Variants in TG observed in about 807,000 individuals in gnomAD.
TG encodes the protein thyroglobulin.
A neutral mutation model predicts 324.7 loss-of-function variants in TG; 270 were observed. That is an observed-to-expected ratio of 0.83 (90% confidence interval 0.75 to 0.92). TG has a LOEUF of 0.92. TG is among the 40% of genes least tolerant of loss of function. The probability of loss-of-function intolerance (pLI) is 0.00; values close to 1 mark genes in which losing one functional copy is unlikely to be tolerated. For missense variants in TG, 3,591 were observed against 3,456.4 expected, an observed-to-expected ratio of 1.04 and a Z score of -0.98; for synonymous variants, 1,401 against 1,327.0, an observed-to-expected ratio of 1.06 and a Z score of -1.21.
intron 20 of TG, among the ~76,000 whole-genome samples, chr8:132,916,408 GGTT>G (rs1327666152): frequency 1.3e-5 from 2 of 152,186 alleles, no homozygotes; most frequent in African/African-American, 4.8e-5. Flanking sequence ...TCAACAAGGA[GGTT>G]CTTGGTGAAA....
intron 46 of TG, among the ~76,000 whole-genome samples, chr8:133,132,344 C>T (rs1480850202): frequency 2.0e-5 from 3 of 152,194 alleles, no homozygotes; most frequent in African/African-American, 4.8e-5. Flanking sequence ...CCAAGCATGT[C>T]GAATGTCCCC....
chr8:133,120,574 T>G (rs1851064048), intron 45 of TG, among the ~76,000 whole-genome samples: 1 of 152,160 alleles, frequency 6.6e-6, no homozygotes, highest in African/African-American at 2.4e-5. Flanking sequence ...AAGGCGATTC[T>G]TGGCTCATAG....
chr8:132,963,965 C>G (rs1828151062), intron 29 of TG, among the ~76,000 whole-genome samples: 1 of 152,060 alleles, frequency 6.6e-6, no homozygotes, highest in South Asian at 2.1e-4. Context: ...AGAATCTTGT[C>G]TACCTCTTAT....
chr8:132,884,671 C>G (rs1815133165), intron 8 of TG, among the ~76,000 whole-genome samples: 1 of 152,148 alleles, frequency 6.6e-6, no homozygotes, highest in Non-Finnish European at 1.5e-5. Flanking sequence ...GAATGTTATG[C>G]CATCCAACTT....
At position 133,039,964 on chromosome 8, in the gene TG, CACACACACACACACAT is replaced by C. The variant is rs1367768546; in HGVS notation, c.7239+9950_7239+9965del. 37 of 1,528,782 alleles carry C rather than the reference CACACACACACACACAT, an allele frequency of 2.4e-5. No homozygotes were observed. In the Admixed American group the frequency reaches 4.0e-4, roughly 17 times the overall value. The allele number at this position is 1,528,782 out of a possible 1,614,324, so 94.7% of individuals were successfully genotyped here. On this transcript the variant is annotated intron_variant, in intron 41 of 47. Transcript: ENST00000220616. ...CAGAGCACTTGCATGCACACACACA[CACACACACACACACAT>C]ACACACACCATACTCACCTGGACAC...
At chr8:133,113,123 C>T (rs1032244980) in intron 43 of TG, among the ~76,000 whole-genome samples, 1 of 152,186 alleles carries the variant, frequency 6.6e-6, no homozygotes, top group Admixed American at 6.5e-5. Flanking sequence ...TTAACCTTAA[C>T]AGAGCACTTA....
intron 8 of TG, 128 bp downstream of exon 8, chr8:132,883,127 C>A: frequency 1.0e-6 from 1 of 981,914 alleles, no homozygotes; most frequent in Non-Finnish European, 1.5e-6. Flanking sequence ...CCTTCAAGCT[C>A]AACCTGTCTG....
At chr8:132,945,464 A>T (rs1825114895) in intron 26 of TG, among the ~76,000 whole-genome samples, 1 of 152,176 alleles carries the variant, frequency 6.6e-6, no homozygotes, top group African/African-American at 2.4e-5. Context: ...CCGTGGGTCC[A>T]TGTGGGGTAT....
rs773987957 is a variant in TG at position 132,888,064 on chromosome 8, C to T, written c.2257C>T (p.Pro753Ser). The change falls in exon 10 of 48, where the codon CCC becomes TCC. Residue 753 changes from proline (P) to serine (S), a missense_variant. Physicochemically the swap from Pro to Ser is moderately conservative, Grantham distance 74. Transcript: ENST00000220616. ...QALLSNSSML[P>S]TLSDTYIPQC... ...CCTGCTCTCTAACTCCAGCATGCTA[C>T]CCACCCTTTCCGACACCTACATCCC... is the stretch of plus-strand genomic sequence containing the variant. The T allele has an allele frequency of 6.2e-7, 1 of 1,614,150 alleles. No individual in the cohort carries two copies. The highest frequency in any genetic ancestry group is 8.5e-7 in the Non-Finnish European group (1 of 1,180,022).
At chr8:132,983,603 A>C in intron 35 of TG, 191 bp downstream of exon 35, 2 of 651,100 alleles carry the variant, frequency 3.1e-6, no homozygotes, top group South Asian at 1.8e-5. Flanking sequence ...AGATGAGAAA[A>C]TTGACTCACG....
At chr8:132,868,427 G>C (rs1839173997) in intron 2 of TG, among the ~76,000 whole-genome samples, 1 of 151,678 alleles carries the variant, frequency 6.6e-6, no homozygotes, top group South Asian at 2.1e-4. Flanking sequence ...TTCAACACTG[G>C]ACAATCTGAC....
intron 41 of TG, among the ~76,000 whole-genome samples, chr8:133,081,151 C>G (rs936830321): frequency 2.9e-4 from 44 of 152,380 alleles, no homozygotes; most frequent in African/African-American, 1.1e-3. Flanking sequence ...GCGCAAGGCG[C>G]ATAGGACGGG....
At chr8:133,120,617 G>A (rs778803151) in intron 45 of TG, among the ~76,000 whole-genome samples, 2 of 152,106 alleles carry the variant, frequency 1.3e-5, no homozygotes, top group Non-Finnish European at 2.9e-5. Context: ...ATTTCTTTAC[G>A]TCGTCTTTCT....
Position 132,886,641 on chromosome 8 carries a change from C to T in TG, c.1269C>T (p.Arg423=), listed in dbSNP as rs115916398. 7.6e-4 allele frequency: 1,232 copies of T among 1,614,156 alleles called. 11 individuals carry two copies. In the African/African-American group the frequency reaches 0.014, roughly 18 times the overall value. Residue 423 remains arginine, a synonymous_variant, in exon 9 of 48, where the codon CGC becomes CGT. Coordinates refer to ENST00000220616, the MANE Select transcript of TG (RefSeq NM_003235.5). ...KELFVDSGLL[R]PMVEGQSQQF... Reference sequence around the variant, plus strand: ...TCTTTGTGGACTCTGGGCTTCTCCGCCCAATGGTGGAGGGACAGAGCCAAC... The same window carrying T: ...TCTTTGTGGACTCTGGGCTTCTCCGTCCAATGGTGGAGGGACAGAGCCAAC...
At chr8:132,952,233 G>A (rs1826207187) in intron 27 of TG, among the ~76,000 whole-genome samples, 2 of 152,238 alleles carry the variant, frequency 1.3e-5, no homozygotes, top group Non-Finnish European at 2.9e-5. Flanking sequence ...AAGAATGTGT[G>A]TGGAGCAGCA....
chr8:132,894,005 C>T (rs1816741075), intron 11 of TG, 76 bp downstream of exon 11: 1 of 1,607,744 alleles, frequency 6.2e-7, no homozygotes, highest in Non-Finnish European at 8.5e-7. Flanking sequence ...TCTCCTCAGT[C>T]ATCCTTAGGA....
chr8:133,079,239 T>C (rs368540268), intron 41 of TG, among the ~76,000 whole-genome samples: 32 of 152,298 alleles, frequency 2.1e-4, no homozygotes, highest in East Asian at 1.9e-3. Flanking sequence ...CCCAGTACCA[T>C]CTGTGTAGGA....
intron 41 of TG, among the ~76,000 whole-genome samples, chr8:133,082,918 AAC>A (rs1163794719): frequency 6.6e-6 from 1 of 152,230 alleles, no homozygotes; most frequent in African/African-American, 2.4e-5. Context: ...TGTAATTTAA[AAC>A]AGTGTCATCC....
chr8:133,075,166 A>G (rs1844667871), intron 41 of TG: 1 of 977,206 alleles, frequency 1.0e-6, no homozygotes, highest in Non-Finnish European at 1.2e-6. Flanking sequence ...TTTTTTACAA[A>G]GCATTTGAGA....
Sources: allele counts gnomAD v4.1 joint callset (sites outside exome capture counted in the v4.1 genomes callset), GRCh38; gene constraint gnomAD v4.1.1; transcripts MANE v1.5; gene names NCBI Gene and HGNC (gene_info 2026-07-23, HGNC 2026-07-21).